SOCS6: variants seen among roughly 807,000 people sequenced by gnomAD.
The protein encoded by SOCS6 is STAT induced STAT inhibitor-4.
In SOCS6, 5 loss-of-function variants were observed where a neutral mutation model predicts 27.7. The observed-to-expected ratio is 0.18, with a 90% CI of 0.09 to 0.38. SOCS6 has a LOEUF of 0.38. Among genes scored for constraint, SOCS6 ranks in the 10% least tolerant of loss-of-function variants. SOCS6 has a pLI of 1.00. For synonymous variants in SOCS6, 271 were observed against 260.0 expected (o/e 1.04, Z -0.41); for missense variants, 595 against 688.1 (o/e 0.86, Z 1.51).
At chr18:70,318,004 C>CTA (rs1190616567) in intron 1 of SOCS6, among the ~76,000 whole-genome samples, 3 of 152,164 alleles carry the variant, frequency 2.0e-5, no homozygotes, top group Non-Finnish European at 4.4e-5. Context: ...CAAGCACACA[C>CTA]TATCACACCC....
In SOCS6 at chr18:70,329,925, A is replaced by T. The variant is rs893176084; in HGVS notation, c.*3649A>T. ...TAACAAGTATTTACATGTTGGGTGAAAGAAATTTCATAGTCGTTGGAGTGC... is the reference window on the plus strand; with the variant it reads ...TAACAAGTATTTACATGTTGGGTGATAGAAATTTCATAGTCGTTGGAGTGC... On this transcript the variant is annotated 3_prime_UTR_variant, in exon 2 of 2. Coordinates refer to ENST00000397942, the MANE Select transcript of SOCS6 (RefSeq NM_004232.4). The T allele has an allele frequency of 6.0e-6, 1 of 167,060 alleles. No individual in the cohort carries two copies. The highest frequency in any genetic ancestry group is 2.4e-5 in the African/African-American group (1 of 41,452). The allele number at this position is 167,060 out of a possible 1,614,324, so 10.3% of individuals were successfully genotyped here.
intron 1 of SOCS6, among the ~76,000 whole-genome samples, chr18:70,319,985 A>G (rs1273823297): frequency 6.6e-6 from 1 of 151,392 alleles, no homozygotes; most frequent in Admixed American, 6.6e-5. Flanking sequence ...TGCCAGTGAT[A>G]AAATTCAAAG....
At chr18:70,312,166 G>T (rs532888049) in intron 1 of SOCS6, among the ~76,000 whole-genome samples, 49 of 152,274 alleles carry the variant, frequency 3.2e-4, no homozygotes, top group African/African-American at 1.1e-3. Context: ...CAGTGGTGGA[G>T]CCAGAATATA....
chr18:70,305,764 G>GTAC (rs2062366675), intron 1 of SOCS6, among the ~76,000 whole-genome samples: 2 of 152,088 alleles, frequency 1.3e-5, no homozygotes, highest in South Asian at 4.1e-4. Flanking sequence ...TATGAATCTT[G>GTAC]TACTACATGT....
chr18:70,306,595 T>C (rs1330665486), intron 1 of SOCS6, among the ~76,000 whole-genome samples: 1 of 152,102 alleles, frequency 6.6e-6, no homozygotes, highest in Non-Finnish European at 1.5e-5. Flanking sequence ...CTTGTTCCAC[T>C]GGCTCAAACC....
chr18:70,323,970 G>T (rs1911086654), intron 1 of SOCS6, among the ~76,000 whole-genome samples: 1 of 152,068 alleles, frequency 6.6e-6, no homozygotes, highest in South Asian at 2.1e-4. Flanking sequence ...AAAAAGCAAG[G>T]TGCCAAAAGA....
intron 1 of SOCS6, among the ~76,000 whole-genome samples, chr18:70,296,430 A>G (rs1457875486): frequency 6.6e-6 from 1 of 152,120 alleles, no homozygotes; most frequent in Non-Finnish European, 1.5e-5. Context: ...TTTCACCTAC[A>G]GTTCCTGTCT....
chr18:70,299,801 T>G (rs1040678836), intron 1 of SOCS6, among the ~76,000 whole-genome samples: 1 of 152,216 alleles, frequency 6.6e-6, no homozygotes, highest in African/African-American at 2.4e-5. Flanking sequence ...TTTCTTTGAA[T>G]TGGTTAAGTG....
At position 70,324,611 on chromosome 18, in the gene SOCS6, T is replaced by C; in HGVS notation, c.-58T>C. Reference sequence around the variant, plus strand: ...TGCAGCCTTGCAGCCTCTCCAGATGTTTGGGGATAATATTCCAGATAGAAA... The same window carrying C: ...TGCAGCCTTGCAGCCTCTCCAGATGCTTGGGGATAATATTCCAGATAGAAA... On this transcript the variant is annotated 5_prime_UTR_variant, in exon 2 of 2. Transcript: ENST00000397942. 5.0e-6 allele frequency: 6 copies of C among 1,199,486 alleles called. No homozygotes were observed. Among genetic ancestry groups the C allele is most frequent in the Non-Finnish European group, 7.1e-6 (6 of 845,476 alleles). 74.3% of individuals were successfully genotyped at this position (1,199,486 alleles called of 1,614,324 possible).
rs1379218443 is a variant in SOCS6 at position 70,310,533 on chromosome 18, C to T, written c.-126-14010C>T. ...GTGTTGCCCAGGCTGGTCTTGAACT[C>T]CTGGGCTCAAGCAGTCTGCACACCT... On this transcript the variant is annotated intron_variant, in intron 1 of 1. Transcript: ENST00000397942. 2.8e-5 allele frequency among the ~76,000 whole-genome samples: 4 copies of T among 142,730 alleles called. No homozygotes were observed. In the Admixed American group the frequency reaches 2.9e-4, roughly 10 times the overall value. 93.6% of individuals were successfully genotyped at this position (142,730 alleles called of 152,430 possible).
At chr18:70,313,762 A>G (rs1483760910) in intron 1 of SOCS6, among the ~76,000 whole-genome samples, 2 of 152,146 alleles carry the variant, frequency 1.3e-5, no homozygotes, top group Non-Finnish European at 2.9e-5. Context: ...GCATGTTTTA[A>G]TATGTCATGT....
intron 1 of SOCS6, among the ~76,000 whole-genome samples, chr18:70,305,623 G>A (rs1406500160): frequency 1.3e-5 from 2 of 152,170 alleles, no homozygotes; most frequent in Non-Finnish European, 2.9e-5. Flanking sequence ...GATAGGGATT[G>A]TTTGAATCTA....
chr18:70,307,488 A>G (rs1304489224), intron 1 of SOCS6, among the ~76,000 whole-genome samples: 1 of 152,178 alleles, frequency 6.6e-6, no homozygotes, highest in Non-Finnish European at 1.5e-5. Context: ...ACCTTTCTTT[A>G]TAGGAAGGTT....
intron 1 of SOCS6, among the ~76,000 whole-genome samples, chr18:70,293,463 T>C (rs930497632): frequency 1.3e-5 from 2 of 152,288 alleles, no homozygotes; most frequent in Admixed American, 6.5e-5. Flanking sequence ...AGTATAGTCA[T>C]GTATAGTGTA....
Position 70,326,146 on chromosome 18 carries a change from G to C in SOCS6, c.1478G>C (p.Arg493Pro). Residue 493 changes from arginine to proline, a missense_variant, in exon 2 of 2, where the codon CGG (arginine) becomes CCG (proline). Arg to Pro is a moderately radical substitution (Grantham distance 103). Transcript: ENST00000397942. ...GTCAGACTGACCAACCCAGTGTCCCGGTTCATGCAGGTGCGCTCGTTGCAG... is the reference window on the plus strand; with the variant it reads ...GTCAGACTGACCAACCCAGTGTCCCCGTTCATGCAGGTGCGCTCGTTGCAG... ...YPVRLTNPVS[R>P]FMQVRSLQYL... The C allele has an allele frequency of 6.2e-7, 1 of 1,614,164 alleles. No homozygotes were observed. Among genetic ancestry groups the C allele is most frequent in the Non-Finnish European group, 8.5e-7 (1 of 1,180,026 alleles).
At chr18:70,320,565 CGA>C (rs531244677) in intron 1 of SOCS6, among the ~76,000 whole-genome samples, 4 of 152,050 alleles carry the variant, frequency 2.6e-5, no homozygotes, top group East Asian at 1.9e-4. Flanking sequence ...AGATATTTTG[CGA>C]GAGAGAGAGT....
chr18:70,293,055 C>G (rs890512149), intron 1 of SOCS6, among the ~76,000 whole-genome samples: 5 of 152,116 alleles, frequency 3.3e-5, no homozygotes, highest in Non-Finnish European at 5.9e-5. Context: ...CCACCCCCCC[C>G]AAATAAGTTC....
intron 1 of SOCS6, among the ~76,000 whole-genome samples, chr18:70,302,423 G>A (rs997383813): frequency 5.9e-5 from 9 of 152,120 alleles, no homozygotes; most frequent in Non-Finnish European, 1.2e-4. Context: ...AAAGTAGTTT[G>A]ATTTCCAGAC....
chr18:70,307,151 T>G (rs1012077396), intron 1 of SOCS6, among the ~76,000 whole-genome samples: 13 of 152,140 alleles, frequency 8.5e-5, no homozygotes, highest in African/African-American at 3.1e-4. Flanking sequence ...TAGTCCCAGC[T>G]ATTTGGGAGG....
Sources: allele counts gnomAD v4.1 joint callset (sites outside exome capture counted in the v4.1 genomes callset), GRCh38; gene constraint gnomAD v4.1.1; transcripts MANE v1.5; gene names NCBI Gene and HGNC (gene_info 2026-07-23, HGNC 2026-07-21).